DNAH17: variants seen among roughly 807,000 people sequenced by gnomAD.
DNAH17 encodes dynein axonemal heavy chain 17.
A neutral mutation model predicts 485.6 loss-of-function variants in DNAH17; 376 were observed. The observed-to-expected ratio is 0.77, with a 90% CI of 0.71 to 0.84. The LOEUF (loss-of-function observed/expected upper bound fraction) is 0.84, where lower values mean the gene tolerates loss of function less well. DNAH17 is among the 40% of genes least tolerant of loss of function. DNAH17 has a pLI of 0.00. For synonymous variants in DNAH17, 3,031 were observed against 2,405.9 expected (o/e 1.26, Z -7.60); for missense variants, 6,370 against 5,839.3 (o/e 1.09, Z -2.96).
Position 78,494,757 on chromosome 17 carries a change from T to C in DNAH17, c.6106A>G (p.Arg2036Gly). 6.2e-7 allele frequency: 1 copy of C among 1,613,542 alleles called. No individual in the cohort carries two copies. Among genetic ancestry groups the C allele is most frequent in the Non-Finnish European group, 8.5e-7 (1 of 1,179,848 alleles). ...TCCTCTGCCCGGCTGGGGTCGCCCC[T>C]CTTCAGGGAGCCGGCCACCACCAGC... ...SVLVVAGSLKRGDPSRAEDQV... is the reference protein window; with the variant it reads ...SVLVVAGSLKGGDPSRAEDQV... Residue 2036 changes from arginine (R) to glycine (G), a missense_variant, in exon 40 of 81, where the codon AGG becomes GGG. By Grantham distance (125) the Arg-to-Gly change is moderately radical (BLOSUM62 -2). Transcript: ENST00000389840.
chr17:78,472,272 A>AGGGGTGCGAGGGTTAGGGGTAGGGAGTG (rs2088790765), intron 54 of DNAH17, among the ~76,000 whole-genome samples: 1 of 105,448 alleles, frequency 9.5e-6, no homozygotes, highest in Non-Finnish European at 1.9e-5. Context: ...GTTAGGGAGT[A>AGGGGTGCGAGGGTTAGGGGTAGGGAGTG]GGGGTGCGAG....
At chr17:78,562,856 G>T (rs1246730090) in intron 11 of DNAH17, among the ~76,000 whole-genome samples, 1 of 152,120 alleles carries the variant, frequency 6.6e-6, no homozygotes, top group Admixed American at 6.5e-5. Flanking sequence ...CCAAGTGGGA[G>T]GGGGACCAGA....
intron 25 of DNAH17, among the ~76,000 whole-genome samples, chr17:78,516,266 CA>C (rs1343540379): frequency 2.6e-5 from 4 of 152,236 alleles, no homozygotes; most frequent in Non-Finnish European, 4.4e-5. Flanking sequence ...ATCCTGACTG[CA>C]AATGCTGTCA....
chr17:78,494,137 C>T lies in DNAH17; in HGVS notation c.6307G>A (p.Ala2103Thr), dbSNP rs771920109. ...ACCTTCAGCACGAAGCTGTCCTCCG[C>T]CTGCAGCTTGAGCTCCACGATGCTC... Reference protein sequence around the residue: ...KQSIVELKLQAEDSFVLKVVQ... With the variant: ...KQSIVELKLQTEDSFVLKVVQ... The change falls in exon 41 of 81, where the codon GCG (alanine) becomes ACG (threonine). Residue 2103 changes from alanine to threonine, a missense_variant. Ala to Thr is a moderately conservative substitution (Grantham distance 58). Transcript: ENST00000389840. 1.2e-6 allele frequency: 2 copies of T among 1,612,812 alleles called. No homozygotes were observed. The highest frequency in any genetic ancestry group is 4.5e-5 in the East Asian group (2 of 44,858).
rs376326398 is a variant in DNAH17, at chr17:78,466,835, G to C, written c.8779-19C>G. The C allele has an allele frequency of 1.2e-5, 18 of 1,551,870 alleles. No homozygotes were observed. The African/African-American group carries it at 1.7e-4, about 14-fold the overall frequency. The stretch of plus-strand genomic sequence containing the variant: ...GGATCACCTGGGTGTGGGAGACACA[G>C]ATGCGCTGCCTACTGGGACTGCAGT... On this transcript the variant is annotated intron_variant, in intron 55 of 80. Coordinates refer to ENST00000389840, the MANE Select transcript of DNAH17 (RefSeq NM_173628.4).
chr17:78,427,532 C>T (rs1180426370), intron 77 of DNAH17, among the ~76,000 whole-genome samples: 2 of 152,192 alleles, frequency 1.3e-5, no homozygotes, highest in Non-Finnish European at 2.9e-5. Context: ...CCTGCACCAC[C>T]GTCTGTCAGC....
chr17:78,474,822 G>T (rs867447711), intron 54 of DNAH17, among the ~76,000 whole-genome samples: 6 of 151,640 alleles, frequency 4.0e-5, no homozygotes, highest in Non-Finnish European at 7.4e-5. Flanking sequence ...ACACACACTG[G>T]CCGGAAGGTT....
rs2090427301 is a variant in DNAH17, at chr17:78,504,684, A to C, written c.4956+609T>G. On this transcript the variant is annotated intron_variant, in intron 31 of 80. Transcript: ENST00000389840. ...TGAGACAGGGGAGGGGGCAGCCCGG[A>C]AGTTTTCTGACGGCAGAAGGAGCCC... 2.0e-5 allele frequency among the ~76,000 whole-genome samples: 3 copies of C among 152,156 alleles called. No homozygotes were observed. In the South Asian group the frequency reaches 6.2e-4, roughly 32 times the overall value.
intron 44 of DNAH17, chr17:78,489,499 T>G (rs1568140100): frequency 6.6e-6 from 1 of 152,304 alleles, no homozygotes; most frequent in Non-Finnish European, 1.5e-5. Context: ...CCCTGAGTGA[T>G]GGAGATGCGC....
In DNAH17 at chr17:78,560,913, T is replaced by C. The variant is rs1255133916; in HGVS notation, c.1858A>G (p.Lys620Glu). 1 of 1,550,426 alleles carries C rather than the reference T, an allele frequency of 6.4e-7. No homozygotes were observed. Among genetic ancestry groups the C allele is most frequent in the Non-Finnish European group, 8.7e-7 (1 of 1,147,048 alleles). ...EHPVMSGAEA[K>E]LTYQKYDEMM... is the part of the protein sequence containing the mutation. ...TCGTCATACTTCTGATAGGTCAGCT[T>C]GGCCTCTGCTCCAGACATGACCCTG... The change falls in exon 13 of 81, where the codon AAG (lysine) becomes GAG (glutamate). Residue 620 changes from lysine to glutamate, a missense_variant. By Grantham distance (56) the Lys-to-Glu change is moderately conservative. Transcript: ENST00000389840.
At chr17:78,568,524 T>C (rs2092304183) in intron 9 of DNAH17, among the ~76,000 whole-genome samples, 1 of 152,112 alleles carries the variant, frequency 6.6e-6, no homozygotes, top group South Asian at 2.1e-4. Context: ...AAGGCAAAAC[T>C]TTCTTGCCCT....
chr17:78,474,216 G>C (rs181110418), intron 54 of DNAH17, among the ~76,000 whole-genome samples: 1 of 152,356 alleles, frequency 6.6e-6, no homozygotes, highest in East Asian at 1.9e-4. Context: ...ACGTACTGCG[G>C]GAGGGTCCCC....
rs1249232524 is a variant in DNAH17 at position 78,510,750 on chromosome 17, G to A, written c.4114-244C>T. Reference sequence around the variant, plus strand: ...ACGCACCTGCACTGGGCGGAATTGCGGCCCCCCCGCAAAATTCACATCCGC... The same window carrying A: ...ACGCACCTGCACTGGGCGGAATTGCAGCCCCCCCGCAAAATTCACATCCGC... On this transcript the variant is annotated intron_variant, in intron 26 of 80. Transcript: ENST00000389840. 3.6e-5 allele frequency: 11 copies of A among 306,274 alleles called. 1 individual carries two copies. Among genetic ancestry groups the A allele is most frequent in the Admixed American group, 3.0e-4 (6 of 20,140 alleles). The allele number at this position is 306,274 out of a possible 1,614,324, so 19.0% of individuals were successfully genotyped here. A position where few individuals can be genotyped will look rare whatever the true frequency, so the allele number is the denominator to read the frequency against.
chr17:78,436,609 T>G (rs1211320126), intron 74 of DNAH17, among the ~76,000 whole-genome samples: 2 of 151,618 alleles, frequency 1.3e-5, no homozygotes, highest in Admixed American at 6.6e-5. Context: ...TTTGGGAGCC[T>G]GAGGCAGGTG....
chr17:78,428,267 T>C (rs651290), intron 77 of DNAH17: 518,064 of 524,020 alleles, frequency 0.99, 256,317 homozygotes, highest in East Asian at 1. Flanking sequence ...GGGATGCTCT[T>C]GGAGCCGCAT....
intron 22 of DNAH17, 124 bp downstream of exon 22, chr17:78,529,348 G>C (rs1568202660): frequency 7.4e-6 from 7 of 941,826 alleles, no homozygotes; most frequent in Non-Finnish European, 1.1e-5. Flanking sequence ...ATGGGGATCT[G>C]ATGTCCAGAG....
Position 78,461,622 on chromosome 17 carries a change from G to A in DNAH17, c.9261C>T (p.Val3087=), listed in dbSNP as rs142391979. ...NESADQLIQV[V]GIEAEKVSKE... ...TGCTGACCTTCTCGGCCTCGATGCC[G>A]ACCACCTGGATCAGTTGGTCTGCGC... The change falls in exon 58 of 81, where the codon GTC becomes GTT. Residue 3087 remains valine (V), a synonymous_variant. Transcript: ENST00000389840. 202 of 1,610,280 alleles carry A rather than the reference G, an allele frequency of 1.3e-4. No homozygotes were observed. In the African/African-American group the frequency reaches 1.4e-3, roughly 11 times the overall value.
chr17:78,560,355 G>C (rs72920953), intron 13 of DNAH17, among the ~76,000 whole-genome samples: 6,940 of 152,194 alleles, frequency 0.046, 181 homozygotes, highest in South Asian at 0.068. Context: ...TCCATCCTCT[G>C]CTCATCTGAA....
intron 63 of DNAH17, among the ~76,000 whole-genome samples, chr17:78,454,920 T>G (rs2087725301): frequency 6.6e-6 from 1 of 151,860 alleles, no homozygotes; most frequent in South Asian, 2.1e-4. Flanking sequence ...CCACGTTTTT[T>G]TTTTCCCCTG....
Sources: allele counts gnomAD v4.1 joint callset (sites outside exome capture counted in the v4.1 genomes callset), GRCh38; gene constraint gnomAD v4.1.1; transcripts MANE v1.5; gene names NCBI Gene and HGNC (gene_info 2026-07-23, HGNC 2026-07-21).